The following DLGAP1 variants were observed in gnomAD, a reference collection of about 807,000 sequenced individuals.
DLGAP1 encodes DLG associated protein 1.
In DLGAP1, 11 loss-of-function variants were observed where a neutral mutation model predicts 90.8. The ratio of observed to expected loss-of-function variants is 0.12; its 90% CI spans 0.08 to 0.20. The LOEUF (loss-of-function observed/expected upper bound fraction) is 0.20. Among genes scored for constraint, DLGAP1 ranks in the 10% least tolerant of loss-of-function variants. DLGAP1 has a pLI of 1.00. For synonymous variants in DLGAP1, 558 were observed against 540.7 expected, an observed-to-expected ratio of 1.03 and a Z score of -0.44; for missense variants, 1,050 against 1,333.8, an observed-to-expected ratio of 0.79 and a Z score of 3.31.
chr18:3,803,198 C>G (rs573130037), intron 5 of DLGAP1, among the ~76,000 whole-genome samples: 2 of 152,132 alleles, frequency 1.3e-5, no homozygotes, highest in African/African-American at 4.8e-5. Flanking sequence ...CTGGACCCCC[C>G]CTAGCATTGT....
At chr18:4,387,923 TCACACATACACA>T (rs1463031598) in intron 1 of DLGAP1, among the ~76,000 whole-genome samples, 3 of 33,668 alleles carry the variant, frequency 8.9e-5, no homozygotes, top group Admixed American at 5.4e-4. Flanking sequence ...AGAGACTCCA[TCACACATACACA>T]CACACACACA....
intron 7 of DLGAP1, among the ~76,000 whole-genome samples, chr18:3,583,180 A>ACCTACCTACCTACCTT (rs2055653774): frequency 7.5e-6 from 1 of 132,806 alleles, no homozygotes; most frequent in Non-Finnish European, 1.6e-5. Context: ...CTACCTACCT[A>ACCTACCTACCTACCTT]CCTACCTTCC....
intron 10 of DLGAP1, among the ~76,000 whole-genome samples, chr18:3,516,611 C>T (rs73377702): frequency 0.02 from 3,036 of 152,144 alleles, 66 homozygotes; most frequent in Middle Eastern, 0.054. Flanking sequence ...CATAAAACAG[C>T]GATGCTTAAT....
At chr18:3,751,887 T>C (rs1457321821) in intron 5 of DLGAP1, among the ~76,000 whole-genome samples, 1 of 144,700 alleles carries the variant, frequency 6.9e-6, no homozygotes, top group African/African-American at 2.6e-5. Context: ...CTTCTTCTTT[T>C]TTTTTTTTTT....
intron 1 of DLGAP1, among the ~76,000 whole-genome samples, chr18:4,348,202 T>C (rs894939235): frequency 2.6e-5 from 4 of 152,094 alleles, no homozygotes; most frequent in Admixed American, 2.6e-4. Context: ...GAGACTACAT[T>C]GTGTGTATAT....
At chr18:3,923,264 T>C (rs1447970673) in intron 3 of DLGAP1, among the ~76,000 whole-genome samples, 3 of 152,030 alleles carry the variant, frequency 2.0e-5, no homozygotes, top group Non-Finnish European at 2.9e-5. Context: ...TAATAAACTC[T>C]TAAATATCTT....
chr18:3,855,450 T>G, intron 4 of DLGAP1, among the ~76,000 whole-genome samples: 1 of 151,948 alleles, frequency 6.6e-6, no homozygotes, highest in East Asian at 1.9e-4. Context: ...AAAAAAAAGC[T>G]GAAGGAATTA....
intron 7 of DLGAP1, among the ~76,000 whole-genome samples, chr18:3,721,329 G>A (rs915084928): frequency 6.6e-6 from 1 of 152,170 alleles, no homozygotes; most frequent in African/African-American, 2.4e-5. Flanking sequence ...ATTTACGCAT[G>A]AGTTGGCAAA....
At chr18:4,037,325 T>G (rs1342386434) in intron 2 of DLGAP1, among the ~76,000 whole-genome samples, 1 of 152,186 alleles carries the variant, frequency 6.6e-6, no homozygotes, top group Non-Finnish European at 1.5e-5. Context: ...GGCCAGTTTA[T>G]GAGCAAAAGT....
intron 9 of DLGAP1, among the ~76,000 whole-genome samples, chr18:3,556,355 C>T (rs568220985): frequency 2.0e-5 from 3 of 152,294 alleles, no homozygotes; most frequent in African/African-American, 7.2e-5. Flanking sequence ...TGTACATTCT[C>T]GTATCCACCG....
In DLGAP1 at chr18:4,152,261, T is replaced by C. The variant is rs2076687035; in HGVS notation, c.-266-974A>G. The stretch of plus-strand genomic sequence containing the variant: ...ATATTAAAATATTGTCAGAAGGGAA[T>C]GAGAAAAATAATAAATCTAAGTAAT... On this transcript the variant is annotated intron_variant, in intron 1 of 12. Coordinates refer to ENST00000315677, the MANE Select transcript of DLGAP1 (RefSeq NM_004746.4). 2.6e-5 allele frequency among the ~76,000 whole-genome samples: 4 copies of C among 152,280 alleles called. No homozygotes were observed. In the South Asian group the frequency reaches 8.3e-4, roughly 32 times the overall value.
rs147797054 is a variant in DLGAP1 at position 3,730,157 on chromosome 18, G to A, written c.1351-782C>T. ...TTACCCAGCACTTTGGGAGGCTGTG[G>A]CAGGAGGATCACTTCAGCCCAGGAG... On this transcript the variant is annotated intron_variant, in intron 6 of 12. Transcript: ENST00000315677. Among the ~76,000 whole-genome samples, 1,022 of 152,304 alleles carry A rather than the reference G, an allele frequency of 6.7e-3. 13 individuals are homozygous for A. The highest frequency in any genetic ancestry group is 0.022 in the African/African-American group (921 of 41,556).
intron 2 of DLGAP1, among the ~76,000 whole-genome samples, chr18:4,030,796 C>G (rs535572013): frequency 6.6e-6 from 1 of 152,246 alleles, no homozygotes; most frequent in Non-Finnish European, 1.5e-5. Flanking sequence ...GTGGCATGTG[C>G]CTGTAGTCCC....
intron 5 of DLGAP1, among the ~76,000 whole-genome samples, chr18:3,745,416 G>A (rs1313289565): frequency 6.6e-6 from 1 of 152,072 alleles, no homozygotes; most frequent in East Asian, 1.9e-4. Flanking sequence ...ATTTCCTTAC[G>A]GAGTTTAGAG....
chr18:3,784,168 A>T (rs933101394), intron 5 of DLGAP1, among the ~76,000 whole-genome samples: 11 of 152,186 alleles, frequency 7.2e-5, no homozygotes, highest in African/African-American at 2.7e-4. Context: ...TCCATGTGTA[A>T]GTGGGAGGCC....
At chr18:3,855,902 C>T (rs2069614365) in intron 4 of DLGAP1, among the ~76,000 whole-genome samples, 2 of 152,126 alleles carry the variant, frequency 1.3e-5, no homozygotes, top group South Asian at 4.1e-4. Flanking sequence ...TGAGCCACCA[C>T]GCCTGGCCAA....
intron 2 of DLGAP1, among the ~76,000 whole-genome samples, chr18:4,005,549 T>C (rs1204110367): frequency 6.6e-6 from 1 of 152,252 alleles, no homozygotes; most frequent in East Asian, 1.9e-4. Context: ...GCATGTTGTG[T>C]GAGTCACGTA....
chr18:3,776,468 G>C (rs2064941632), intron 5 of DLGAP1, among the ~76,000 whole-genome samples: 1 of 152,138 alleles, frequency 6.6e-6, no homozygotes, highest in African/African-American at 2.4e-5. Flanking sequence ...AGATCCAAGA[G>C]ACCGGCCTCT....
intron 2 of DLGAP1, among the ~76,000 whole-genome samples, chr18:4,039,419 G>A (rs8092466): frequency 1 from 152,268 of 152,278 alleles, 76,129 homozygotes; most frequent in Middle Eastern, 1. Flanking sequence ...GGTAGGGTAG[G>A]GTGGATGTTG....
Sources: allele counts gnomAD v4.1 joint callset (sites outside exome capture counted in the v4.1 genomes callset), GRCh38; gene constraint gnomAD v4.1.1; transcripts MANE v1.5; gene names NCBI Gene and HGNC (gene_info 2026-07-23, HGNC 2026-07-21).